COQ8A: variants seen among roughly 807,000 people sequenced by gnomAD.
COQ8A encodes the protein atypical kinase COQ8A, mitochondrial.
In COQ8A, 51 loss-of-function variants were observed where a neutral mutation model predicts 65.0. The observed-to-expected ratio is 0.78, with a 90% CI of 0.63 to 0.99. COQ8A has a LOEUF of 0.99. Ranked by LOEUF, COQ8A falls within the 50% of genes least tolerant of loss-of-function variation. The probability of loss-of-function intolerance (pLI) is 0.00; values close to 1 mark genes in which losing one functional copy is unlikely to be tolerated. For synonymous variants in COQ8A, 371 were observed against 353.2 expected (o/e 1.05, Z -0.57); for missense variants, 940 against 875.0 (o/e 1.07, Z -0.94).
Position 226,983,235 on chromosome 1 carries a change from G to A in COQ8A, c.1080+201G>A, listed in dbSNP as rs1205194840. On this transcript the variant is annotated intron_variant, in intron 8 of 14. Transcript: ENST00000366777. ...ATTTGCTAAATGAGTGACTTTGGGG[G>A]CACAGAGGGGCCCCCAGCAAGCTTG... is the stretch of plus-strand genomic sequence containing the variant. The A allele has an allele frequency of 3.4e-6, 3 of 871,900 alleles. No homozygotes were observed. In the Admixed American group the frequency reaches 8.7e-5, roughly 25 times the overall value. 54.0% of individuals were successfully genotyped at this position (871,900 alleles called of 1,614,324 possible).
intron 1 of COQ8A, chr1:226,958,088 C>T (rs773048999): frequency 6.6e-6 from 1 of 152,190 alleles, no homozygotes; most frequent in East Asian, 1.9e-4. Flanking sequence ...CCATCGTGCT[C>T]AACTAGTCAC....
At position 226,946,579 on chromosome 1, in the gene COQ8A, C is replaced by A. The variant is rs1657058858; in HGVS notation, c.-10+6180C>A. 6.6e-6 allele frequency among the ~76,000 whole-genome samples: 1 copy of A among 152,166 alleles called. No individual in the cohort carries two copies. The highest frequency in any genetic ancestry group is 6.5e-5 in the Admixed American group (1 of 15,282). On this transcript the variant is annotated intron_variant, in intron 1 of 14. Coordinates refer to ENST00000366777, the MANE Select transcript of COQ8A (RefSeq NM_020247.5). This position sits in a 1 kb window ranked among gnomAD's most constrained non-coding sequence, Gnocchi z 5.3. The stretch of plus-strand genomic sequence containing the variant: ...CTCCTGGGTCTGTGGTCCCCTTGCA[C>A]CCTGCTGAGCCTCTTCTCATTTCTC...
Position 226,983,771 on chromosome 1 carries a change from C to G in COQ8A, c.1173C>G (p.Pro391=), listed in dbSNP as rs541611601. The G allele has an allele frequency of 1.9e-6, 3 of 1,612,978 alleles. No individual in the cohort carries two copies. The highest frequency in any genetic ancestry group is 2.5e-6 in the Non-Finnish European group (3 of 1,179,998). Reference sequence around the variant, plus strand: ...TCCTCCCTGGCCCAGGCCTGTTCCCCGAGCACCTGATCGACGTGCTGAGGC... The same window carrying G: ...TCCTCCCTGGCCCAGGCCTGTTCCCGGAGCACCTGATCGACGTGCTGAGGC... The part of the protein sequence containing the change: ...MSNMLPEGLF[P]EHLIDVLRRE... The change falls in exon 10 of 15, where the codon CCC becomes CCG. Residue 391 remains proline (P), a synonymous_variant. Coordinates refer to ENST00000366777, the MANE Select transcript of COQ8A (RefSeq NM_020247.5).
In COQ8A at chr1:226,983,799, G is replaced by A. The variant is rs780094357; in HGVS notation, c.1201G>A (p.Glu401Lys). The A allele has an allele frequency of 1.9e-6, 3 of 1,612,756 alleles. No individual in the cohort carries two copies. Among genetic ancestry groups the A allele is most frequent in the Non-Finnish European group, 2.5e-6 (3 of 1,179,994 alleles). Residue 401 changes from glutamate (E) to lysine (K), a missense_variant, in exon 10 of 15, where the codon GAG (glutamate) becomes AAG (lysine). Coordinates refer to ENST00000366777, the MANE Select transcript of COQ8A (RefSeq NM_020247.5). Reference protein sequence around the residue: ...PEHLIDVLRRELALECDYQRE... With the variant: ...PEHLIDVLRRKLALECDYQRE... ...GCACCTGATCGACGTGCTGAGGCGG[G>A]AGCTGGCCCTGGAGTGTGACTACCA...
At chr1:226,985,554 C>T (rs1184537460) in intron 14 of COQ8A, among the ~76,000 whole-genome samples, 3 of 152,294 alleles carry the variant, frequency 2.0e-5, no homozygotes, top group Non-Finnish European at 4.4e-5. Context: ...GGGGACTTGT[C>T]GTGAAGCTCT....
intron 1 of COQ8A, among the ~76,000 whole-genome samples, chr1:226,950,753 G>A (rs1657325380): frequency 1.8e-5 from 1 of 54,558 alleles, no homozygotes; most frequent in Non-Finnish European, 3.3e-5. Context: ...GTGCCTAGTT[G>A]CTTGCTTTTT....
At chr1:226,948,618 C>CTGG (rs5781452) in intron 1 of COQ8A, among the ~76,000 whole-genome samples, 5,323 of 152,204 alleles carry the variant, frequency 0.035, 322 homozygotes, top group African/African-American at 0.12. Flanking sequence ...AATTACCTTC[C>CTGG]TGGGTGGCAG....
intron 4 of COQ8A, 50 bp from the exon 5 acceptor site, chr1:226,977,399 T>C (rs1659304588): frequency 6.5e-7 from 1 of 1,531,000 alleles, no homozygotes; most frequent in Non-Finnish European, 8.8e-7. Flanking sequence ...GGCGAGCGGG[T>C]GGCCCCAGCC....
intron 10 of COQ8A, 71 bp from the exon 11 acceptor site, chr1:226,984,023 G>T (rs1572082611): frequency 1.3e-6 from 2 of 1,541,534 alleles, no homozygotes; most frequent in East Asian, 5.0e-5. Context: ...TGCCTGGTTG[G>T]GGGGTGTGTG....
intron 5 of COQ8A, among the ~76,000 whole-genome samples, chr1:226,978,091 C>T (rs552976725): frequency 3.4e-5 from 5 of 147,294 alleles, no homozygotes; most frequent in East Asian, 2.1e-4. Context: ...GCACACCCAC[C>T]GAACACCCGC....
At chr1:226,963,634 T>C (rs1658384928) in intron 2 of COQ8A, among the ~76,000 whole-genome samples, 1 of 152,074 alleles carries the variant, frequency 6.6e-6, no homozygotes, top group Non-Finnish European at 1.5e-5. Context: ...AGATGGAGTC[T>C]TGCTCCATTG....
chr1:226,941,996 G>A (rs907283988), intron 1 of COQ8A, among the ~76,000 whole-genome samples: 14 of 152,050 alleles, frequency 9.2e-5, no homozygotes, highest in Non-Finnish European at 1.5e-4. Flanking sequence ...ATAATTCTTC[G>A]TTGTGGGAGA....
At chr1:226,942,889 C>G (rs755947704) in intron 1 of COQ8A, among the ~76,000 whole-genome samples, 32 of 152,184 alleles carry the variant, frequency 2.1e-4, no homozygotes, top group Admixed American at 1.3e-3. Flanking sequence ...ATTTTGCCTT[C>G]AGTGTAATCC....
At position 226,982,968 on chromosome 1, in the gene COQ8A, C is replaced by T. The variant is rs374358866; in HGVS notation, c.1014C>T (p.Ala338=). 58 of 1,604,508 alleles carry T rather than the reference C, an allele frequency of 3.6e-5. No individual in the cohort carries two copies. The highest frequency in any genetic ancestry group is 3.3e-4 in the Middle Eastern group (2 of 5,982). Residue 338 remains alanine (A), a synonymous_variant, in exon 8 of 15, where the codon GCC becomes GCT. Transcript: ENST00000366777. ...LEYFEERPFA[A]ASIGQVHLAR... is the part of the protein sequence containing the mutation. ...ACTTCGAGGAGCGGCCCTTCGCCGCCGCATCCATTGGGCAGGTGCACTTGG... is the reference window on the plus strand; with the variant it reads ...ACTTCGAGGAGCGGCCCTTCGCCGCTGCATCCATTGGGCAGGTGCACTTGG...
chr1:226,943,749 C>G (rs1418561285), intron 1 of COQ8A, among the ~76,000 whole-genome samples: 2 of 152,158 alleles, frequency 1.3e-5, no homozygotes, highest in African/African-American at 2.4e-5. Flanking sequence ...GTGTGCAGTT[C>G]TGCGCAGTTT....
chr1:226,986,401 G>A, intron 14 of COQ8A, 52 bp from the exon 15 acceptor site: 1 of 1,597,628 alleles, frequency 6.3e-7, no homozygotes, highest in South Asian at 1.1e-5. Context: ...AACCCGGGCT[G>A]GTGGAGGGCT....
intron 2 of COQ8A, among the ~76,000 whole-genome samples, chr1:226,963,732 G>A (rs1658390900): frequency 6.6e-6 from 1 of 152,216 alleles, no homozygotes; most frequent in Non-Finnish European, 1.5e-5. Flanking sequence ...AGCCTCCTGA[G>A]TAGCTGGGAT....
intron 4 of COQ8A, among the ~76,000 whole-genome samples, chr1:226,970,431 A>T (rs1558194757): frequency 6.6e-6 from 1 of 152,250 alleles, no homozygotes; most frequent in Non-Finnish European, 1.5e-5. Flanking sequence ...ATGTTACTGT[A>T]CTGAATACAG....
At chr1:226,954,049 GAC>G (rs1439847036) in intron 1 of COQ8A, among the ~76,000 whole-genome samples, 1 of 152,230 alleles carries the variant, frequency 6.6e-6, no homozygotes, top group Non-Finnish European at 1.5e-5. Context: ...AAAGTGAAAA[GAC>G]AGTTCCTGGC....
Sources: gnomAD v4.1 joint callset for allele counts (sites outside exome capture counted in the v4.1 genomes callset) on GRCh38, gnomAD v4.1.1 for gene constraint, Gnocchi (gnomAD v3.1) non-coding constraint, MANE v1.5 for transcripts, NCBI Gene and HGNC (gene_info 2026-07-23, HGNC 2026-07-21) for gene names.